FBXL7: variants seen among roughly 807,000 people sequenced by gnomAD.
FBXL7 encodes the protein F-box/LRR-repeat protein 7.
Under a neutral mutation model 38.3 loss-of-function variants are expected in FBXL7, and 12 were observed. The ratio of observed to expected loss-of-function variants is 0.31; its 90% confidence interval spans 0.20 to 0.51. FBXL7 has a LOEUF of 0.51. Ranked by LOEUF, FBXL7 falls within the 20% of genes least tolerant of loss-of-function variation. The pLI is 0.98. For missense variants in FBXL7, 567 were observed against 676.4 expected, an observed-to-expected ratio of 0.84 and a Z score of 1.79; for synonymous variants, 297 against 300.9, an observed-to-expected ratio of 0.99 and a Z score of 0.13.
At chr5:15,640,588 A>G (rs13176043) in intron 2 of FBXL7, among the ~76,000 whole-genome samples, 24,296 of 151,126 alleles carry the variant, frequency 0.16, 2,071 homozygotes, top group Non-Finnish European at 0.19. Flanking sequence ...CAGTGGTGCA[A>G]TCTGGGCTCA....
At chr5:15,925,730 T>C (rs1015476468) in intron 2 of FBXL7, among the ~76,000 whole-genome samples, 2 of 152,242 alleles carry the variant, frequency 1.3e-5, no homozygotes, top group African/African-American at 4.8e-5. Flanking sequence ...TGAGGAAATA[T>C]GTATTTTGAA....
chr5:15,789,404 C>A (rs1043018658), intron 2 of FBXL7, among the ~76,000 whole-genome samples: 1 of 152,132 alleles, frequency 6.6e-6, no homozygotes, highest in African/African-American at 2.4e-5. Context: ...CGTGTCTAAC[C>A]TCAGGCTTTT....
chr5:15,791,742 G>C (rs1737281557), intron 2 of FBXL7, among the ~76,000 whole-genome samples: 1 of 152,096 alleles, frequency 6.6e-6, no homozygotes, highest in Non-Finnish European at 1.5e-5. Flanking sequence ...CTTGGGAGAT[G>C]CTGGATAGTA....
At chr5:15,895,881 T>TG (rs1311765932) in intron 2 of FBXL7, among the ~76,000 whole-genome samples, 85 of 151,796 alleles carry the variant, frequency 5.6e-4, no homozygotes, top group African/African-American at 2.1e-3. Flanking sequence ...CCTGACCTCA[T>TG]GATCCACCTT....
intron 2 of FBXL7, among the ~76,000 whole-genome samples, chr5:15,884,617 A>G (rs766398917): frequency 2.6e-5 from 4 of 152,188 alleles, no homozygotes; most frequent in Non-Finnish European, 5.9e-5. Flanking sequence ...TTCATAATAG[A>G]GGGAAAAACG....
At chr5:15,897,786 T>C (rs1424636156) in intron 2 of FBXL7, among the ~76,000 whole-genome samples, 1 of 151,662 alleles carries the variant, frequency 6.6e-6, no homozygotes, top group African/African-American at 2.4e-5. Flanking sequence ...GAACTTTGTT[T>C]GGAATTCAGC....
At position 15,880,893 on chromosome 5, in the gene FBXL7, T is replaced by C. The variant is rs147391133; in HGVS notation, c.128-46997T>C. Among the ~76,000 whole-genome samples, 751 of 151,776 alleles carry C rather than the reference T, an allele frequency of 4.9e-3. 10 individuals carry two copies. Among genetic ancestry groups the C allele is most frequent in the African/African-American group, 0.016 (679 of 41,466 alleles). The stretch of plus-strand genomic sequence containing the variant: ...CTCATTTAAGCCTAGCTCTGTAGTA[T>C]GATCATTTAAGCTTTATTATTCTAT... On this transcript the variant is annotated intron_variant, in intron 2 of 3. Coordinates refer to ENST00000504595, the MANE Select transcript of FBXL7 (RefSeq NM_012304.5).
At chr5:15,727,422 T>G (rs1388753266) in intron 2 of FBXL7, among the ~76,000 whole-genome samples, 1 of 152,226 alleles carries the variant, frequency 6.6e-6, no homozygotes, top group Non-Finnish European at 1.5e-5. Context: ...CTTTGCTTTT[T>G]GGGGGAATGT....
At chr5:15,808,272 C>A (rs1465008232) in intron 2 of FBXL7, among the ~76,000 whole-genome samples, 4 of 151,976 alleles carry the variant, frequency 2.6e-5, no homozygotes, top group African/African-American at 9.7e-5. Context: ...TTCCACAGAT[C>A]TCTTGTAGGT....
chr5:15,564,378 CTG>C (rs33993480), intron 1 of FBXL7, among the ~76,000 whole-genome samples: 46,387 of 147,218 alleles, frequency 0.32, 7,126 homozygotes, highest in Non-Finnish European at 0.32. Flanking sequence ...TCAGTAATAT[CTG>C]TGTGTGTGTG....
chr5:15,600,540 G>A (rs898779801), intron 1 of FBXL7, among the ~76,000 whole-genome samples: 12 of 152,142 alleles, frequency 7.9e-5, no homozygotes, highest in African/African-American at 2.9e-4. Flanking sequence ...AAAAAGGACT[G>A]TTTGAACCTT....
At position 15,707,363 on chromosome 5, in the gene FBXL7, C is replaced by G. The variant is rs1425583274; in HGVS notation, c.127+91291C>G. ...CACACATCTTGTTATAGGTATCTCTCATTTTCAGTAAAGAAACTATATAGT... is the reference window on the plus strand; with the variant it reads ...CACACATCTTGTTATAGGTATCTCTGATTTTCAGTAAAGAAACTATATAGT... On this transcript the variant is annotated intron_variant, in intron 2 of 3. Coordinates refer to ENST00000504595, the MANE Select transcript of FBXL7 (RefSeq NM_012304.5). Among the ~76,000 whole-genome samples the G allele has an allele frequency of 2.6e-5, 4 of 151,998 alleles. 1 individual carries two copies. The highest frequency in any genetic ancestry group is 9.7e-5 in the African/African-American group (4 of 41,398).
rs1735818652 is a variant in FBXL7 at position 15,738,652 on chromosome 5, C to A, written c.127+122580C>A. Among the ~76,000 whole-genome samples the A allele has an allele frequency of 2.0e-5, 3 of 152,188 alleles. No individual in the cohort carries two copies. In the South Asian group the frequency reaches 6.2e-4, roughly 31 times the overall value. The stretch of plus-strand genomic sequence containing the variant: ...TTCTCTAAAAGAGCAAAGCGAACAC[C>A]CATGGCATCATATCTGTGTGGTACC... On this transcript the variant is annotated intron_variant, in intron 2 of 3. Coordinates refer to ENST00000504595, the MANE Select transcript of FBXL7 (RefSeq NM_012304.5).
chr5:15,829,026 C>T (rs1010693322), intron 2 of FBXL7, among the ~76,000 whole-genome samples: 1 of 152,168 alleles, frequency 6.6e-6, no homozygotes, highest in African/African-American at 2.4e-5. Flanking sequence ...GTAACGCACC[C>T]TTAATTTGAA....
At position 15,927,764 on chromosome 5, in the gene FBXL7, T is replaced by TAAAAAAAAAAAAAAAAAAAAAAA. The variant is rs753935096; in HGVS notation, c.128-125_128-103dup. The TAAAAAAAAAAAAAAAAAAAAAAA allele has an allele frequency of 3.5e-5, 16 of 456,834 alleles. No individual in the cohort carries two copies. In the African/African-American group the frequency reaches 3.6e-4, roughly 10 times the overall value. 28.3% of individuals were successfully genotyped at this position (456,834 alleles called of 1,614,324 possible). A position where few individuals can be genotyped will look rare whatever the true frequency, so the allele number is the denominator to read the frequency against. ...CACTCCCGCCTGGGCGACAAGATCT[T>TAAAAAAAAAAAAAAAAAAAAAAA]AAAAAAAAAAAAAAAAAAAAAAAGA... On this transcript the variant is annotated intron_variant, in intron 2 of 3. Transcript: ENST00000504595.
At chr5:15,710,446 C>T (rs565672039) in intron 2 of FBXL7, among the ~76,000 whole-genome samples, 3 of 152,172 alleles carry the variant, frequency 2.0e-5, no homozygotes, top group Admixed American at 6.5e-5. Flanking sequence ...GTACTCACAG[C>T]GAGACCTTCC....
chr5:15,875,902 G>A lies in FBXL7; in HGVS notation c.128-51988G>A, dbSNP rs560848186. ...TTTGACCCAGCAATCCCATTACTGG[G>A]TATATACCCAAAGGATTATAAATCA... On this transcript the variant is annotated intron_variant, in intron 2 of 3. Coordinates refer to ENST00000504595, the MANE Select transcript of FBXL7 (RefSeq NM_012304.5). Among the ~76,000 whole-genome samples, 15 of 152,224 alleles carry A rather than the reference G, an allele frequency of 9.9e-5. 1 individual carries two copies. Among genetic ancestry groups the A allele is most frequent in the African/African-American group, 3.4e-4 (14 of 41,540 alleles).
At chr5:15,694,108 C>G (rs1340014235) in intron 2 of FBXL7, among the ~76,000 whole-genome samples, 3 of 152,134 alleles carry the variant, frequency 2.0e-5, no homozygotes, top group Non-Finnish European at 4.4e-5. Context: ...CAACCCTAGA[C>G]GCTGCTGTGG....
intron 1 of FBXL7, among the ~76,000 whole-genome samples, chr5:15,569,795 A>G (rs1307337688): frequency 6.6e-6 from 1 of 152,210 alleles, no homozygotes; most frequent in African/African-American, 2.4e-5. Flanking sequence ...AGTTTTTAGC[A>G]TGAAGCGTTG....
Sources: gnomAD v4.1 joint callset for allele counts (sites outside exome capture counted in the v4.1 genomes callset) on GRCh38, gnomAD v4.1.1 for gene constraint, MANE v1.5 for transcripts, NCBI Gene and HGNC (gene_info 2026-07-23, HGNC 2026-07-21) for gene names.